TPM3: variants seen among roughly 807,000 people sequenced by gnomAD.
TPM3 encodes the protein tropomyosin alpha-3 chain.
TPM3 carries 16 observed loss-of-function variants against 43.1 expected under a neutral mutation model. That is an observed-to-expected ratio of 0.37 (90% CI 0.25 to 0.56). TPM3 has a LOEUF of 0.56. TPM3 is among the 20% of genes least tolerant of loss of function. TPM3 has a pLI of 0.77. For synonymous variants in TPM3, 101 were observed against 116.9 expected (o/e 0.86, Z 0.88); for missense variants, 176 against 337.2 (o/e 0.52, Z 3.74).
rs958657031 is a variant in TPM3, at chr1:154,162,411, T to G, written c.*5526A>C. Among the ~76,000 whole-genome samples, 4 of 141,874 alleles carry G rather than the reference T, an allele frequency of 2.8e-5. No homozygotes were observed. Among genetic ancestry groups the G allele is most frequent in the African/African-American group, 1.0e-4 (4 of 38,152 alleles). The allele number at this position is 141,874 out of a possible 152,430, so 93.1% of individuals were successfully genotyped here. On this transcript the variant is annotated 3_prime_UTR_variant, in exon 10 of 10. Transcript: ENST00000651641. ...CACAAACCAACCCCATGGAGTTGGA[T>G]AGTATTCAACCAACACCATGTGAAA... is the stretch of plus-strand genomic sequence containing the variant.
At chr1:154,183,098 C>G (rs747504295) in intron 2 of TPM3, 2 of 1,599,620 alleles carry the variant, frequency 1.3e-6, no homozygotes, top group Non-Finnish European at 1.7e-6. Flanking sequence ...TTCACCGCCT[C>G]GATGGTGGTG....
At position 154,166,386 on chromosome 1, in the gene TPM3, G is replaced by T; in HGVS notation, c.*1551C>A. 3.0e-6 allele frequency: 1 copy of T among 337,478 alleles called. No homozygotes were observed. 20.9% of individuals were successfully genotyped at this position (337,478 alleles called of 1,614,324 possible). On this transcript the variant is annotated 3_prime_UTR_variant, in exon 10 of 10. Coordinates refer to ENST00000651641, the MANE Select transcript of TPM3 (RefSeq NM_152263.4). ...AGTTCACCCCTTCTTAGGCAACCTT[G>T]TTGTTCTCCACTCCCAGGAGGTCAC...
chr1:154,168,566 G>C (rs1661235620), intron 9 of TPM3, among the ~76,000 whole-genome samples: 1 of 152,070 alleles, frequency 6.6e-6, no homozygotes, highest in Non-Finnish European at 1.5e-5. Flanking sequence ...CTTCAACCCA[G>C]ACTGGAGTGC....
chr1:154,172,293 T>C (rs1304533920), intron 5 of TPM3: 2 of 731,182 alleles, frequency 2.7e-6, no homozygotes. Flanking sequence ...CACAAATACA[T>C]ATGCATTCAG....
chr1:154,162,642 G>C lies in TPM3; in HGVS notation c.*5295C>G, dbSNP rs780622090. ...AGGGGGTAACATTAAGGGGACAAAT[G>C]TTTTACTCTGATGCTTGACTTCACC... On this transcript the variant is annotated 3_prime_UTR_variant, in exon 10 of 10. Transcript: ENST00000651641. Among the ~76,000 whole-genome samples, 6 of 152,134 alleles carry C rather than the reference G, an allele frequency of 3.9e-5. No homozygotes were observed. Among genetic ancestry groups the C allele is most frequent in the Non-Finnish European group, 8.8e-5 (6 of 68,022 alleles).
chr1:154,168,130 C>T lies in TPM3; in HGVS notation c.855-190G>A, dbSNP rs144506279. 4.3e-4 allele frequency among the ~76,000 whole-genome samples: 65 copies of T among 152,314 alleles called. 1 individual carries two copies. Among genetic ancestry groups the T allele is most frequent in the Non-Finnish European group, 7.8e-4 (53 of 68,032 alleles). ...GGAAAGATACAAAGAGGCAGATTAGCATCAAGGATCAGGGATCCACAGCAA... is the reference window on the plus strand; with the variant it reads ...GGAAAGATACAAAGAGGCAGATTAGTATCAAGGATCAGGGATCCACAGCAA... On this transcript the variant is annotated intron_variant, in intron 9 of 9. Coordinates refer to ENST00000651641, the MANE Select transcript of TPM3 (RefSeq NM_152263.4).
Position 154,165,789 on chromosome 1 carries a change from C to CAAAAAAAAA in TPM3, c.*2139_*2147dup, listed in dbSNP as rs68185418. Reference sequence around the variant, plus strand: ...AGGTGACAAGAGTCAAACTCCGTCTCAAAAAAAAAAAAAAAAAGAAAAAAA... The same window carrying CAAAAAAAAA: ...AGGTGACAAGAGTCAAACTCCGTCTCAAAAAAAAAAAAAAAAAAAAAAAAAAGAAAAAAA... On this transcript the variant is annotated 3_prime_UTR_variant, in exon 10 of 10. Transcript: ENST00000651641. Among the ~76,000 whole-genome samples, 1 of 82,198 alleles carries CAAAAAAAAA rather than the reference C, an allele frequency of 1.2e-5. No individual in the cohort carries two copies. Among genetic ancestry groups the CAAAAAAAAA allele is most frequent in the Non-Finnish European group, 2.7e-5 (1 of 37,518 alleles). The allele number at this position is 82,198 out of a possible 152,430, so 53.9% of individuals were successfully genotyped here.
chr1:154,161,117 T>C (rs1389117045), downstream of TPM3, among the ~76,000 whole-genome samples: 1 of 104,944 alleles, frequency 9.5e-6, no homozygotes, highest in Non-Finnish European at 1.8e-5. Flanking sequence ...AACTGGAAAG[T>C]ATAATGCAAA....
At chr1:154,178,177 G>A in intron 2 of TPM3, 6 of 985,442 alleles carry the variant, frequency 6.1e-6, no homozygotes, top group Non-Finnish European at 7.2e-6. Context: ...ACATCATGCA[G>A]CTCACCAGTA....
At chr1:154,170,756 C>G (rs1417638530) in intron 6 of TPM3, 45 bp from the exon 7 acceptor site, 2 of 1,268,178 alleles carry the variant, frequency 1.6e-6, no homozygotes, top group African/African-American at 1.5e-5. Context: ...AAATTAGTCA[C>G]ACAGGCAATA....
downstream of TPM3, among the ~76,000 whole-genome samples, chr1:154,161,010 A>T (rs1005162828): frequency 2.6e-5 from 4 of 152,012 alleles, no homozygotes; most frequent in African/African-American, 9.7e-5. Flanking sequence ...CCTAGGGCTC[A>T]AGCAAACCTC....
downstream of TPM3, chr1:154,158,532 T>A (rs1043883640): frequency 1.1e-5 from 4 of 348,676 alleles, no homozygotes; most frequent in Non-Finnish European, 2.2e-5. Context: ...ATCCCACAAC[T>A]TTTCTTTCAC....
rs1261581048 is a variant in TPM3, at chr1:154,166,884, T to C, written c.*1053A>G. On this transcript the variant is annotated 3_prime_UTR_variant, in exon 10 of 10. Transcript: ENST00000651641. Reference sequence around the variant, plus strand: ...TTTTAGTAGAGACGGGGTTTCACCATGTTGGCCGAGCTGGTCTCGAACTCA... The same window carrying C: ...TTTTAGTAGAGACGGGGTTTCACCACGTTGGCCGAGCTGGTCTCGAACTCA... 1.3e-5 allele frequency among the ~76,000 whole-genome samples: 2 copies of C among 152,136 alleles called. No individual in the cohort carries two copies. Among genetic ancestry groups the C allele is most frequent in the Non-Finnish European group, 2.9e-5 (2 of 68,028 alleles).
downstream of TPM3, among the ~76,000 whole-genome samples, chr1:154,161,345 T>C (rs538657177): frequency 5.0e-4 from 76 of 151,936 alleles, 1 homozygote; most frequent in Middle Eastern, 3.4e-3. Context: ...ACATTACATA[T>C]AGATCTCGTG....
downstream of TPM3, chr1:154,155,990 G>C (rs1290262492): frequency 5.5e-6 from 1 of 182,676 alleles, no homozygotes. Context: ...AGCATTTTGG[G>C]AAGCTGAGGC....
rs5777891 is a variant in TPM3, at chr1:154,171,584, T to TAG, written c.567-98_567-97dup. 0.073 allele frequency: 97,336 copies of TAG among 1,341,582 alleles called. 6,578 individuals are homozygous for TAG. The highest frequency in any genetic ancestry group is 0.31 in the African/African-American group (21,095 of 68,262). 83.1% of individuals were successfully genotyped at this position (1,341,582 alleles called of 1,614,324 possible). A position where few individuals can be genotyped will look rare whatever the true frequency, so the allele number is the denominator to read the frequency against. ...CATAGACGTGAATTGAACCTATATG[T>TAG]AGAGAGAGTTGGAAGGCATACTGGG... On this transcript the variant is annotated intron_variant, in intron 5 of 9. Coordinates refer to ENST00000651641, the MANE Select transcript of TPM3 (RefSeq NM_152263.4).
rs200091744 is a variant in TPM3 at position 154,178,190 on chromosome 1, TA to T, written c.244-1943del. On this transcript the variant is annotated intron_variant, in intron 2 of 9. Coordinates refer to ENST00000651641, the MANE Select transcript of TPM3 (RefSeq NM_152263.4). The stretch of plus-strand genomic sequence containing the variant: ...AGACATCATGCAGCTCACCAGTAGT[TA>T]CCCAAACTGGAGTAGAAGATAACAG... The T allele has an allele frequency of 6.7e-4, 660 of 985,444 alleles. 4 individuals carry two copies. The African/African-American group carries it at 0.01, about 16-fold the overall frequency. The allele number at this position is 985,444 out of a possible 1,614,324, so 61.0% of individuals were successfully genotyped here.
intron 2 of TPM3, chr1:154,187,237 A>T: frequency 9.5e-6 from 8 of 842,606 alleles, no homozygotes; most frequent in Non-Finnish European, 1.0e-5. Context: ...AGTAGACAGT[A>T]TGTACAAGAA....
rs181390732 is a variant in TPM3, at chr1:154,178,680, T to C, written c.244-2432A>G. Reference sequence around the variant, plus strand: ...TACTTTTTGCAGACCAGGCTACCTGTGGCCCTGGGAAACGTTAAGCTCTGC... The same window carrying C: ...TACTTTTTGCAGACCAGGCTACCTGCGGCCCTGGGAAACGTTAAGCTCTGC... On this transcript the variant is annotated intron_variant, in intron 2 of 9. Coordinates refer to ENST00000651641, the MANE Select transcript of TPM3 (RefSeq NM_152263.4). Among the ~76,000 whole-genome samples, 7 of 152,356 alleles carry C rather than the reference T, an allele frequency of 4.6e-5. No homozygotes were observed. The East Asian group carries it at 1.3e-3, about 29-fold the overall frequency.
Sources: allele counts gnomAD v4.1 joint callset (sites outside exome capture counted in the v4.1 genomes callset), GRCh38; gene constraint gnomAD v4.1.1; transcripts MANE v1.5; gene names NCBI Gene and HGNC (gene_info 2026-07-23, HGNC 2026-07-21).